FAM111B: variants seen among roughly 807,000 people sequenced by gnomAD.
The protein encoded by FAM111B is FAM111 trypsin like peptidase B.
In FAM111B, 1 loss-of-function variant was observed where a neutral mutation model predicts 2.8. The observed-to-expected ratio is 0.36, with a 90% CI of 0.13 to 1.70. The LOEUF is 1.70. Among genes scored for constraint, FAM111B ranks in the 40% most tolerant of loss-of-function variants. The probability of loss-of-function intolerance (pLI) is 0.35; values close to 1 mark genes in which losing one functional copy is unlikely to be tolerated. For synonymous variants in FAM111B, 297 were observed against 295.6 expected (o/e 1.00, Z -0.05); for missense variants, 882 against 878.9 (o/e 1.00, Z -0.04).
intron 3 of FAM111B, among the ~76,000 whole-genome samples, chr11:59,119,818 G>A (rs969453350): frequency 1.3e-5 from 2 of 152,042 alleles, no homozygotes; most frequent in African/African-American, 4.8e-5. Context: ...ATTTAATTTA[G>A]CCAATGCAGT....
At chr11:59,119,220 CCT>C (rs1293372927) in intron 3 of FAM111B, among the ~76,000 whole-genome samples, 5 of 152,286 alleles carry the variant, frequency 3.3e-5, no homozygotes, top group African/African-American at 1.2e-4. Flanking sequence ...TCTGTACAGT[CCT>C]CTCATGCCCT....
At chr11:59,120,656 C>A (rs927478893) in intron 3 of FAM111B, among the ~76,000 whole-genome samples, 1 of 152,110 alleles carries the variant, frequency 6.6e-6, no homozygotes, top group Admixed American at 6.5e-5. Context: ...CCATGTTTTT[C>A]CTATGGCTGT....
rs200452321 is a variant in FAM111B at position 59,125,387 on chromosome 11, A to G, written c.1290A>G (p.Gln430=). 7.0e-5 allele frequency: 113 copies of G among 1,613,990 alleles called. No homozygotes were observed. In the East Asian group the frequency reaches 2.5e-3, roughly 35 times the overall value. ...GAATGAATCTTTCACCAGCTAAGCA[A>G]TTCAACATATATAAAAAGGACTTCG... ...QKRMNLSPAK[Q]FNIYKKDFGK... Residue 430 remains glutamine, a synonymous_variant, in exon 4 of 4, where the codon CAA becomes CAG. Transcript: ENST00000343597.
intron 3 of FAM111B, among the ~76,000 whole-genome samples, chr11:59,119,682 G>A (rs1484011944): frequency 6.6e-6 from 1 of 152,066 alleles, no homozygotes; most frequent in Non-Finnish European, 1.5e-5. Context: ...GCCAGATTAA[G>A]AGCATCTTCA....
chr11:59,122,204 G>T (rs900331487), intron 3 of FAM111B, among the ~76,000 whole-genome samples: 1 of 152,148 alleles, frequency 6.6e-6, no homozygotes, highest in Non-Finnish European at 1.5e-5. Context: ...AACATATTCA[G>T]CTGGATCTGT....
chr11:59,109,739 G>C (rs768653878), intron 3 of FAM111B, 33 bp downstream of exon 3: 47 of 1,400,116 alleles, frequency 3.4e-5, no homozygotes, highest in Non-Finnish European at 4.4e-5. Context: ...CCTCAGAGGA[G>C]TGATAGTCTA....
In FAM111B at chr11:59,125,820, T is replaced by A; in HGVS notation, c.1723T>A (p.Tyr575Asn). ...ISPQPSTGLI[Y>N]LIGHPEGQIK... ...TCCTCAACCATCTACTGGTTTGATT[T>A]ATTTAATTGGTCATCCTGAAGGCCA... The change falls in exon 4 of 4, where the codon TAT (tyrosine) becomes AAT (asparagine). Residue 575 changes from tyrosine (Y) to asparagine (N), a missense_variant. By Grantham distance (143) the Tyr-to-Asn change is moderately radical. Transcript: ENST00000343597. 6.2e-7 allele frequency: 1 copy of A among 1,613,962 alleles called. No individual in the cohort carries two copies.
Position 59,125,473 on chromosome 11 carries a change from A to G in FAM111B, c.1376A>G (p.Lys459Arg). Residue 459 changes from lysine (K) to arginine (R), a missense_variant, in exon 4 of 4, where the codon AAG (lysine) becomes AGG (arginine). Physicochemically the swap from Lys to Arg is conservative, Grantham distance 26. Coordinates refer to ENST00000343597, the MANE Select transcript of FAM111B (RefSeq NM_198947.4). ...TGCGAACAGCTTACATATTATAGCAAGTCAGTTGGGTTCATGCAATGGGAC... is the reference window on the plus strand; with the variant it reads ...TGCGAACAGCTTACATATTATAGCAGGTCAGTTGGGTTCATGCAATGGGAC... ...ATCEQLTYYS[K>R]SVGFMQWDNN... is the part of the protein sequence containing the mutation. 6.2e-7 allele frequency: 1 copy of G among 1,614,000 alleles called. No homozygotes were observed. The highest frequency in any genetic ancestry group is 8.5e-7 in the Non-Finnish European group (1 of 1,179,850).
chr11:59,115,555 G>C (rs564330369), intron 3 of FAM111B, among the ~76,000 whole-genome samples: 75 of 152,238 alleles, frequency 4.9e-4, no homozygotes, highest in Non-Finnish European at 8.7e-4. Context: ...AAGGGAGACA[G>C]CACTGGAGTG....
chr11:59,111,436 T>C (rs1317910102), intron 3 of FAM111B, among the ~76,000 whole-genome samples: 1 of 152,188 alleles, frequency 6.6e-6, no homozygotes, highest in Non-Finnish European at 1.5e-5. Flanking sequence ...GAGATGTGTT[T>C]ACAGACTTTA....
chr11:59,108,567 A>C (rs767652506), intron 1 of FAM111B, 101 bp from the exon 2 acceptor site: 48 of 155,844 alleles, frequency 3.1e-4, no homozygotes, highest in Non-Finnish European at 2.4e-4. Context: ...TATAGGATAC[A>C]TTTCAATTGT....
intron 3 of FAM111B, among the ~76,000 whole-genome samples, chr11:59,119,973 T>C (rs1859896690): frequency 6.6e-6 from 1 of 152,184 alleles, no homozygotes; most frequent in Non-Finnish European, 1.5e-5. Flanking sequence ...GATTGTAAAG[T>C]AGCATATTGG....
intron 3 of FAM111B, 54 bp downstream of exon 3, chr11:59,109,760 C>T: frequency 1.8e-6 from 2 of 1,121,010 alleles, no homozygotes; most frequent in Non-Finnish European, 2.6e-6. Flanking sequence ...ACTATAGTGC[C>T]ATATGAGGAT....
In FAM111B at chr11:59,125,375, A is replaced by G; in HGVS notation, c.1278A>G (p.Ser426=). The G allele has an allele frequency of 6.2e-7, 1 of 1,613,976 alleles. No homozygotes were observed. The highest frequency in any genetic ancestry group is 8.5e-7 in the Non-Finnish European group (1 of 1,179,836). Residue 426 remains serine (S), a synonymous_variant, in exon 4 of 4, where the codon TCA becomes TCG. Coordinates refer to ENST00000343597, the MANE Select transcript of FAM111B (RefSeq NM_198947.4). ...AAGAACAAAAGAGAATGAATCTTTC[A>G]CCAGCTAAGCAATTCAACATATATA... is the stretch of plus-strand genomic sequence containing the variant. ...FREEQKRMNL[S]PAKQFNIYKK...
intron 3 of FAM111B, among the ~76,000 whole-genome samples, chr11:59,118,378 A>T (rs772727757): frequency 1.3e-5 from 2 of 152,120 alleles, no homozygotes; most frequent in African/African-American, 2.4e-5. Flanking sequence ...GCTGCATTTG[A>T]TCACTCAGCA....
At position 59,124,219 on chromosome 11, in the gene FAM111B, A is replaced by T. The variant is rs564481369; in HGVS notation, c.122A>T (p.Asp41Val). Residue 41 changes from aspartate (D) to valine (V), a missense_variant, in exon 4 of 4, where the codon GAT (aspartate) becomes GTT (valine). Coordinates refer to ENST00000343597, the MANE Select transcript of FAM111B (RefSeq NM_198947.4). ...MKQTHADTPV[D>V]HCLSGIRKCS... ...CAGACACATGCTGACACACCTGTTG[A>T]TCATTGTCTATCTGGCATAAGAAAG... is the stretch of plus-strand genomic sequence containing the variant. 6.2e-7 allele frequency: 1 copy of T among 1,613,664 alleles called. No homozygotes were observed. Among genetic ancestry groups the T allele is most frequent in the East Asian group, 2.2e-5 (1 of 44,878 alleles).
chr11:59,126,311 T>C lies in FAM111B; in HGVS notation c.*9T>C, dbSNP rs1420645449. On this transcript the variant is annotated 3_prime_UTR_variant, in exon 4 of 4. Transcript: ENST00000343597. ...AACCCATGGAATGTTAGAAAAGAGA[T>C]GCTGTCTTCAAGAAAATATGCCAAT... The C allele has an allele frequency of 4.7e-6, 7 of 1,497,576 alleles. No homozygotes were observed. The highest frequency in any genetic ancestry group is 4.3e-5 in the South Asian group (3 of 69,064). 92.8% of individuals were successfully genotyped at this position (1,497,576 alleles called of 1,614,324 possible).
In FAM111B at chr11:59,124,258, T is replaced by A. The variant is rs201011410; in HGVS notation, c.161T>A (p.Phe54Tyr). 6.2e-7 allele frequency: 1 copy of A among 1,613,872 alleles called. No homozygotes were observed. The highest frequency in any genetic ancestry group is 1.7e-5 in the Admixed American group (1 of 60,018). ...GGCATAAGAAAGTGTAGCAGCACCT[T>A]TAAGCTTAAAAGTGAAGTCAACAAG... Reference protein sequence around the residue: ...LSGIRKCSSTFKLKSEVNKHE... With the variant: ...LSGIRKCSSTYKLKSEVNKHE... Residue 54 changes from phenylalanine to tyrosine, a missense_variant, in exon 4 of 4, where the codon TTT (phenylalanine) becomes TAT (tyrosine). Phe to Tyr is a conservative substitution (Grantham distance 22). Transcript: ENST00000343597.
chr11:59,126,887 G>GCAAA lies in FAM111B; in HGVS notation c.*585_*586insCAAA. ...CATTCAAGCCAGCAATCTCATGACT[G>GCAAA]GGTATATGTCCAAAGGAATATAAAT... On this transcript the variant is annotated 3_prime_UTR_variant, in exon 4 of 4. Coordinates refer to ENST00000343597, the MANE Select transcript of FAM111B (RefSeq NM_198947.4). 1 of 159,652 alleles carries GCAAA rather than the reference G, an allele frequency of 6.3e-6. No individual in the cohort carries two copies. The highest frequency in any genetic ancestry group is 2.4e-5 in the African/African-American group (1 of 41,554). The allele number at this position is 159,652 out of a possible 1,614,324, so 9.9% of individuals were successfully genotyped here. A position where few individuals can be genotyped will look rare whatever the true frequency, so the allele number is the denominator to read the frequency against.
Sources: allele counts gnomAD v4.1 joint callset (sites outside exome capture counted in the v4.1 genomes callset), GRCh38; gene constraint gnomAD v4.1.1; transcripts MANE v1.5; gene names NCBI Gene and HGNC (gene_info 2026-07-23, HGNC 2026-07-21).